Variants in NOTCH2 observed in about 807,000 individuals in gnomAD.
The protein encoded by NOTCH2 is notch receptor 2.
In NOTCH2, 29 loss-of-function variants were observed where a neutral mutation model predicts 235.8. The observed-to-expected ratio is 0.12, with a 90% CI of 0.09 to 0.17. NOTCH2 has a LOEUF of 0.17. Among genes scored for constraint, NOTCH2 ranks in the 10% least tolerant of loss-of-function variants. The pLI is 1.00. For synonymous variants in NOTCH2, 1,086 were observed against 1,141.5 expected (o/e 0.95, Z 0.98); for missense variants, 2,285 against 3,150.2 (o/e 0.73, Z 6.57).
At chr1:119,957,516 CAA>C (rs1205584951) in intron 12 of NOTCH2, among the ~76,000 whole-genome samples, 5 of 152,076 alleles carry the variant, frequency 3.3e-5, no homozygotes, top group Admixed American at 6.5e-5. Context: ...TAAAATAAAA[CAA>C]GAGCAAGAAT....
chr1:120,066,315 G>A (rs1426794322), intron 1 of NOTCH2, among the ~76,000 whole-genome samples: 3 of 149,366 alleles, frequency 2.0e-5, no homozygotes, highest in Admixed American at 1.3e-4. Flanking sequence ...TTGCAACCAA[G>A]TTACTTGTCA....
At position 119,997,953 on chromosome 1, in the gene NOTCH2, G is replaced by A. The variant is rs2725894; in HGVS notation, c.416-621C>T. 8.5e-5 allele frequency among the ~76,000 whole-genome samples: 12 copies of A among 140,502 alleles called. No homozygotes were observed. In the South Asian group the frequency reaches 1.7e-3, roughly 19 times the overall value. The allele number at this position is 140,502 out of a possible 152,430, so 92.2% of individuals were successfully genotyped here. ...TGTACCACTGCACTCCAGCCTGGGC[G>A]ACACAGCAAGACTCTATTTCAAAAA... On this transcript the variant is annotated intron_variant, in intron 3 of 33. Transcript: ENST00000256646.
At chr1:119,988,840 C>T (rs782289870) in intron 4 of NOTCH2, among the ~76,000 whole-genome samples, 3 of 152,118 alleles carry the variant, frequency 2.0e-5, no homozygotes, top group South Asian at 2.1e-4. Flanking sequence ...AGGGAGGTAG[C>T]GAAGCCCTTG....
intron 14 of NOTCH2, among the ~76,000 whole-genome samples, chr1:119,951,935 A>C (rs1262486972): frequency 1.3e-5 from 2 of 152,258 alleles, no homozygotes; most frequent in African/African-American, 4.8e-5. Context: ...GAAATCTACA[A>C]GTTTCTTTGC....
At chr1:120,045,770 G>T (rs1225547743) in intron 1 of NOTCH2, among the ~76,000 whole-genome samples, 7 of 152,326 alleles carry the variant, frequency 4.6e-5, no homozygotes, top group Middle Eastern at 6.8e-3. Context: ...TATTTGAAAC[G>T]TGGGGAGTAA....
chr1:119,970,887 C>A (rs1651335942), intron 5 of NOTCH2, among the ~76,000 whole-genome samples: 1 of 152,200 alleles, frequency 6.6e-6, no homozygotes, highest in Non-Finnish European at 1.5e-5. Context: ...TTCATTCTTC[C>A]TTTGTAAATA....
In NOTCH2 at chr1:119,922,374, AT is replaced by A; in HGVS notation, c.5074del (p.Ile1692LeufsTer6). 1 of 1,614,206 alleles carries A rather than the reference AT, an allele frequency of 6.2e-7. No homozygotes were observed. The highest frequency in any genetic ancestry group is 8.5e-7 in the Non-Finnish European group (1 of 1,180,028). ...LAVAVVIILF[I>X]ILLGVIMAKR... ...TGCCATGATTACCCCCAGCAGAATA[AT>A]AAACAGAATGATGACAACAGCAACA... is the stretch of plus-strand genomic sequence containing the variant. On this transcript the variant is annotated frameshift_variant, in exon 28 of 34. Coordinates refer to ENST00000256646, the MANE Select transcript of NOTCH2 (RefSeq NM_024408.4). LOFTEE classifies it high-confidence loss of function.
intron 5 of NOTCH2, 126 bp from the exon 6 acceptor site, chr1:119,969,870 G>A: frequency 1.2e-6 from 1 of 855,938 alleles, no homozygotes; most frequent in Non-Finnish European, 1.9e-6. Flanking sequence ...GCTCCAGAAG[G>A]CTGGGTCTTC....
rs782205751 is a variant in NOTCH2, at chr1:119,953,635, T to C, written c.2273A>G (p.Lys758Arg). 5 of 1,614,074 alleles carry C rather than the reference T, an allele frequency of 3.1e-6. No homozygotes were observed. The Admixed American group carries it at 5.0e-5, about 16-fold the overall frequency. ...GCATGGATTCGAAAGGCATTCATTTTTGTCCACTTCACAGTTGATGCCAAC... is the reference window on the plus strand; with the variant it reads ...GCATGGATTCGAAAGGCATTCATTTCTGTCCACTTCACAGTTGATGCCAAC... ...GWVGINCEVD[K>R]NECLSNPCQN... The change falls in exon 14 of 34, where the codon AAA becomes AGA. Residue 758 changes from lysine to arginine, a missense_variant. Physicochemically the swap from Lys to Arg is conservative, Grantham distance 26. This residue lies in a region of NOTCH2 where 1,173 missense variants were observed against 1,515.3 expected (regional missense o/e 0.77). Transcript: ENST00000256646.
At chr1:119,925,018 T>C (rs1415497494) in intron 25 of NOTCH2, among the ~76,000 whole-genome samples, 1 of 152,204 alleles carries the variant, frequency 6.6e-6, no homozygotes, top group Non-Finnish European at 1.5e-5. Flanking sequence ...AGAGGCTGCT[T>C]GAAGTGGGAA....
chr1:119,977,534 T>C (rs1184148295), intron 5 of NOTCH2, among the ~76,000 whole-genome samples: 1 of 152,212 alleles, frequency 6.6e-6, no homozygotes, highest in East Asian at 1.9e-4. Context: ...CCTCCTCTTC[T>C]AAACACTGCC....
At chr1:119,975,056 T>G (rs587774860) in intron 5 of NOTCH2, among the ~76,000 whole-genome samples, 2 of 152,302 alleles carry the variant, frequency 1.3e-5, no homozygotes, top group East Asian at 3.9e-4. Context: ...CTTTGCACAG[T>G]TAGTTGGCAA....
Position 119,917,779 on chromosome 1 carries a change from T to C in NOTCH2, c.5930-17A>G, listed in dbSNP as rs1330093610. The C allele has an allele frequency of 1.3e-6, 2 of 1,491,202 alleles. No individual in the cohort carries two copies. The highest frequency in any genetic ancestry group is 1.9e-6 in the Non-Finnish European group (2 of 1,068,004). 92.4% of individuals were successfully genotyped at this position (1,491,202 alleles called of 1,614,324 possible). A position where few individuals can be genotyped will look rare whatever the true frequency, so the allele number is the denominator to read the frequency against. Reference sequence around the variant, plus strand: ...CAGATTTTCCTGCAGGGGAGAAACATTTTTATAAACAGACATATCCTACTC... The same window carrying C: ...CAGATTTTCCTGCAGGGGAGAAACACTTTTATAAACAGACATATCCTACTC... On this transcript the variant is annotated splice_polypyrimidine_tract_variant and intron_variant, in intron 32 of 33. Coordinates refer to ENST00000256646, the MANE Select transcript of NOTCH2 (RefSeq NM_024408.4).
At chr1:119,940,260 T>TA (rs1314068816) in intron 19 of NOTCH2, among the ~76,000 whole-genome samples, 2 of 152,166 alleles carry the variant, frequency 1.3e-5, no homozygotes, top group African/African-American at 4.8e-5. Flanking sequence ...GCTTCCAATG[T>TA]AAAAAACAAA....
At chr1:119,966,666 A>G (rs1651149560) in intron 8 of NOTCH2, among the ~76,000 whole-genome samples, 177 bp from the exon 9 acceptor site, 1 of 152,194 alleles carries the variant, frequency 6.6e-6, no homozygotes, top group African/African-American at 2.4e-5. Context: ...AGGACAGGGC[A>G]TACTGTGAAA....
intron 29 of NOTCH2, 135 bp from the exon 30 acceptor site, chr1:119,920,532 G>C (rs1400734638): frequency 6.8e-5 from 68 of 994,738 alleles, no homozygotes; most frequent in Non-Finnish European, 1.0e-4. Context: ...CCCCTCCAGA[G>C]GATTACCTCA....
intron 5 of NOTCH2, among the ~76,000 whole-genome samples, chr1:119,971,756 G>C (rs587773315): frequency 4.5e-4 from 69 of 152,246 alleles, no homozygotes; most frequent in African/African-American, 1.6e-3. Flanking sequence ...TGTGCACAAA[G>C]AGAAAAAAAC....
At chr1:119,924,077 A>T in intron 25 of NOTCH2, 93 bp from the exon 26 acceptor site, 1 of 1,143,458 alleles carries the variant, frequency 8.7e-7, no homozygotes. Flanking sequence ...GGATTTTCCT[A>T]CCCATTTTCT....
Position 119,915,508 on chromosome 1 carries a change from C to T in NOTCH2, c.7214G>A (p.Ser2405Asn), listed in dbSNP as rs1399142103. 10 of 1,614,012 alleles carry T rather than the reference C, an allele frequency of 6.2e-6. No individual in the cohort carries two copies. The highest frequency in any genetic ancestry group is 8.5e-6 in the Non-Finnish European group (10 of 1,180,034). ...SNAAERTPSH[S>N]GHLQGEHPYL... ...GGGATGCTCACCCTGGAGGTGACCA[C>T]TGTGACTGGGTGTTCGCTCAGCAGC... The change falls in exon 34 of 34, where the codon AGT becomes AAT. Residue 2405 changes from serine (S) to asparagine (N), a missense_variant. Coordinates refer to ENST00000256646, the MANE Select transcript of NOTCH2 (RefSeq NM_024408.4).
Sources: gnomAD v4.1 joint callset for allele counts (sites outside exome capture counted in the v4.1 genomes callset) on GRCh38, gnomAD v4.1.1 for gene constraint, gnomAD v4.1.1 regional missense constraint, MANE v1.5 for transcripts, NCBI Gene and HGNC (gene_info 2026-07-23, HGNC 2026-07-21) for gene names.